The following ZNF622 variants were observed in gnomAD, a reference collection of about 807,000 sequenced individuals.
The protein encoded by ZNF622 is cytoplasmic 60S subunit biogenesis factor ZNF622.
ZNF622 carries 34 observed loss-of-function variants against 49.7 expected under a neutral mutation model. That is an observed-to-expected ratio of 0.68 (90% CI 0.52 to 0.91). The LOEUF (loss-of-function observed/expected upper bound fraction) is 0.91, where lower values mean the gene tolerates loss of function less well. Ranked by LOEUF, ZNF622 falls within the 40% of genes least tolerant of loss-of-function variation. The pLI, the probability that ZNF622 is intolerant of heterozygous loss-of-function variation, is 0.00. For synonymous variants in ZNF622, 209 were observed against 228.7 expected (o/e 0.91, Z 0.78); for missense variants, 569 against 616.4 (o/e 0.92, Z 0.81).
Position 16,465,183 on chromosome 5 carries a change from C to T in ZNF622, c.483G>A (p.Val161=). ...CGTGGGTCCCACGGCCACCAGTACCCACGGCCACGACATTCCTGGCCTCCT... is the reference window on the plus strand; with the variant it reads ...CGTGGGTCCCACGGCCACCAGTACCTACGGCCACGACATTCCTGGCCTCCT... ...PAKEARNVVA[V]GTGGRGTHDR... Residue 161 remains valine (V), a synonymous_variant, in exon 1 of 6, where the codon GTG becomes GTA. Coordinates refer to ENST00000308683, the MANE Select transcript of ZNF622 (RefSeq NM_033414.3). The surrounding 1 kb of genome is among the most constrained non-coding windows in gnomAD (Gnocchi z 6.2). The T allele has an allele frequency of 6.2e-7, 1 of 1,614,236 alleles. No individual in the cohort carries two copies. Among genetic ancestry groups the T allele is most frequent in the South Asian group, 1.1e-5 (1 of 91,088 alleles).
chr5:16,460,202 G>T (rs376257459), intron 3 of ZNF622, among the ~76,000 whole-genome samples: 1 of 152,228 alleles, frequency 6.6e-6, no homozygotes, highest in East Asian at 1.9e-4. Context: ...AGTACTAAAC[G>T]TTTAGGGAAT....
At position 16,465,560 on chromosome 5, in the gene ZNF622, C is replaced by T. The variant is rs1411199137; in HGVS notation, c.106G>A (p.Val36Met). 3.1e-6 allele frequency: 5 copies of T among 1,613,768 alleles called. No individual in the cohort carries two copies. The highest frequency in any genetic ancestry group is 4.2e-6 in the Non-Finnish European group (5 of 1,179,868). The part of the protein sequence containing the change: ...DWHRYNLRRK[V>M]ASMAPVTAEG... ...GCGGTCACTGGGGCCATGCTGGCCACCTTCCGCCGCAGGTTGTAGCGGTGC... is the reference window on the plus strand; with the variant it reads ...GCGGTCACTGGGGCCATGCTGGCCATCTTCCGCCGCAGGTTGTAGCGGTGC... The change falls in exon 1 of 6, where the codon GTG becomes ATG. Residue 36 changes from valine to methionine, a missense_variant. By Grantham distance (21) the Val-to-Met change is conservative (BLOSUM62 1). Coordinates refer to ENST00000308683, the MANE Select transcript of ZNF622 (RefSeq NM_033414.3). The surrounding 1 kb of genome is among the most constrained non-coding windows in gnomAD (Gnocchi z 6.2).
intron 5 of ZNF622, among the ~76,000 whole-genome samples, chr5:16,452,474 A>C (rs1051483683): frequency 2.0e-5 from 3 of 152,230 alleles, no homozygotes; most frequent in African/African-American, 7.2e-5. Context: ...GGGGACTGAT[A>C]GCTAACCTCG....
At chr5:16,454,173 C>CGA (rs1200498612) in intron 4 of ZNF622, among the ~76,000 whole-genome samples, 1 of 152,112 alleles carries the variant, frequency 6.6e-6, no homozygotes, top group East Asian at 1.9e-4. Flanking sequence ...AAAATAGACT[C>CGA]TGAATATTTC....
intron 1 of ZNF622, 127 bp downstream of exon 1, chr5:16,464,912 CCA>C: frequency 1.9e-5 from 25 of 1,321,162 alleles, no homozygotes; most frequent in Non-Finnish European, 2.5e-5. Context: ...AGCGTCTAAA[CCA>C]CCTTCCCTCA....
Position 16,465,210 on chromosome 5 carries a change from T to C in ZNF622, c.456A>G (p.Ala152=). 1.2e-6 allele frequency: 2 copies of C among 1,614,190 alleles called. No individual in the cohort carries two copies. Among genetic ancestry groups the C allele is most frequent in the South Asian group, 1.1e-5 (1 of 91,088 alleles). ...MSPKKAPPAP[A]KEARNVVAVG... ...CGGCCACGACATTCCTGGCCTCCTT[T>C]GCAGGCGCTGGGGGCGCCTTCTTGG... Residue 152 remains alanine (A), a synonymous_variant, in exon 1 of 6, where the codon GCA becomes GCG. Transcript: ENST00000308683. The surrounding 1 kb of genome is among the most constrained non-coding windows in gnomAD (Gnocchi z 6.2).
In ZNF622 at chr5:16,465,381, C is replaced by T. The variant is rs1292157315; in HGVS notation, c.285G>A (p.Glu95=). 6.2e-7 allele frequency: 1 copy of T among 1,614,298 alleles called. No homozygotes were observed. The highest frequency in any genetic ancestry group is 1.1e-5 in the South Asian group (1 of 91,090). The change falls in exon 1 of 6, where the codon GAG becomes GAA. Residue 95 remains glutamate, a synonymous_variant. Transcript: ENST00000308683. This position sits in a 1 kb window ranked among gnomAD's most constrained non-coding sequence, Gnocchi z 6.2. The part of the protein sequence containing the change: ...HLKSRRHVEL[E]KKAVQAVNRK... ...GATTCACTGCCTGCACGGCCTTCTT[C>T]TCCAGCTCAACGTGACGCCGGGACT...
At chr5:16,455,570 A>G (rs1400713428) in intron 4 of ZNF622, among the ~76,000 whole-genome samples, 1 of 152,218 alleles carries the variant, frequency 6.6e-6, no homozygotes, top group African/African-American at 2.4e-5. Context: ...ACCACAGGAA[A>G]TAGGTGAGAT....
Position 16,463,857 on chromosome 5 carries a change from C to T in ZNF622, c.626-115G>A. On this transcript the variant is annotated intron_variant, in intron 1 of 5. Coordinates refer to ENST00000308683, the MANE Select transcript of ZNF622 (RefSeq NM_033414.3). This position sits in a 1 kb window ranked among gnomAD's most constrained non-coding sequence, Gnocchi z 4.2. ...ATTTGGAGAAACAGCCACACCCCAA[C>T]TCCCAAGGACAACTCCTCTTTCAAG... The T allele has an allele frequency of 2.8e-6, 3 of 1,081,190 alleles. No homozygotes were observed. Among genetic ancestry groups the T allele is most frequent in the Non-Finnish European group, 4.0e-6 (3 of 747,538 alleles). 67.0% of individuals were successfully genotyped at this position (1,081,190 alleles called of 1,614,324 possible). A position where few individuals can be genotyped will look rare whatever the true frequency, so the allele number is the denominator to read the frequency against.
Position 16,465,181 on chromosome 5 carries a change from C to G in ZNF622, c.485G>C (p.Gly162Ala), listed in dbSNP as rs756935690. ...AKEARNVVAVGTGGRGTHDRD... is the reference protein window; with the variant it reads ...AKEARNVVAVATGGRGTHDRD... Reference sequence around the variant, plus strand: ...GTCGTGGGTCCCACGGCCACCAGTACCCACGGCCACGACATTCCTGGCCTC... The same window carrying G: ...GTCGTGGGTCCCACGGCCACCAGTAGCCACGGCCACGACATTCCTGGCCTC... The change falls in exon 1 of 6, where the codon GGT becomes GCT. Residue 162 changes from glycine (G) to alanine (A), a missense_variant. Coordinates refer to ENST00000308683, the MANE Select transcript of ZNF622 (RefSeq NM_033414.3). The surrounding 1 kb of genome is among the most constrained non-coding windows in gnomAD (Gnocchi z 6.2). The G allele has an allele frequency of 3.1e-6, 5 of 1,614,180 alleles. No individual in the cohort carries two copies. In the Admixed American group the frequency reaches 8.3e-5, roughly 27 times the overall value.
Position 16,451,621 on chromosome 5 carries a change from T to C in ZNF622, c.*36A>G, listed in dbSNP as rs779980403. The C allele has an allele frequency of 3.1e-6, 5 of 1,605,424 alleles. No individual in the cohort carries two copies. Among genetic ancestry groups the C allele is most frequent in the African/African-American group, 1.3e-5 (1 of 74,734 alleles). The stretch of plus-strand genomic sequence containing the variant: ...CTGGTCCTCAGGGCAAGGAGGAAAC[T>C]TGGGCAGGAGATGATTGCTCAATCC... On this transcript the variant is annotated 3_prime_UTR_variant, in exon 6 of 6. Transcript: ENST00000308683.
chr5:16,464,487 A>G (rs27453), intron 1 of ZNF622, among the ~76,000 whole-genome samples: 13,384 of 152,238 alleles, frequency 0.088, 693 homozygotes, highest in East Asian at 0.23. Context: ...CTTATAGCAG[A>G]GTGGACAGAC....
chr5:16,454,636 G>A (rs146660174), intron 4 of ZNF622, among the ~76,000 whole-genome samples: 4 of 152,262 alleles, frequency 2.6e-5, no homozygotes, highest in Non-Finnish European at 5.9e-5. Flanking sequence ...AGGCACATCT[G>A]ATATATTAAT....
chr5:16,465,669 CA>C lies in ZNF622; in HGVS notation c.-5del. On this transcript the variant is annotated 5_prime_UTR_variant, in exon 1 of 6. Coordinates refer to ENST00000308683, the MANE Select transcript of ZNF622 (RefSeq NM_033414.3). This position sits in a 1 kb window ranked among gnomAD's most constrained non-coding sequence, Gnocchi z 6.2. ...TTATGCAGGTGTACGTCGCCATTGC[CA>C]GGCGAGAAATAAGAACCGACCAAGC... 4.5e-6 allele frequency: 7 copies of C among 1,558,342 alleles called. No individual in the cohort carries two copies. The South Asian group carries it at 8.5e-5, about 19-fold the overall frequency.
chr5:16,451,539 T>C lies in ZNF622; in HGVS notation c.*118A>G. 5 of 1,350,150 alleles carry C rather than the reference T, an allele frequency of 3.7e-6. No individual in the cohort carries two copies. The South Asian group carries it at 5.8e-5, about 16-fold the overall frequency. 83.6% of individuals were successfully genotyped at this position (1,350,150 alleles called of 1,614,324 possible). A position where few individuals can be genotyped will look rare whatever the true frequency, so the allele number is the denominator to read the frequency against. On this transcript the variant is annotated 3_prime_UTR_variant, in exon 6 of 6. Coordinates refer to ENST00000308683, the MANE Select transcript of ZNF622 (RefSeq NM_033414.3). ...ACTCATATGGTTCTAACTTTTATTA[T>C]TAGGTCAGAACGAATGAAGTAGCAG...
At chr5:16,455,060 A>G (rs969400452) in intron 4 of ZNF622, among the ~76,000 whole-genome samples, 1 of 152,236 alleles carries the variant, frequency 6.6e-6, no homozygotes, top group Non-Finnish European at 1.5e-5. Flanking sequence ...AAGTAATCAA[A>G]TATCTTCCCA....
intron 4 of ZNF622, among the ~76,000 whole-genome samples, chr5:16,455,079 T>C (rs112516766): frequency 4.7e-4 from 72 of 152,234 alleles, no homozygotes; most frequent in African/African-American, 1.7e-3. Flanking sequence ...CAGACAGACA[T>C]AACCATGCAG....
Position 16,465,488 on chromosome 5 carries a change from C to A in ZNF622, c.178G>T (p.Glu60Ter), listed in dbSNP as rs1738204504. The change falls in exon 1 of 6, where the codon GAG becomes TAG. Residue 60 changes from glutamate to a stop codon, truncating the protein, a stop_gained. Transcript: ENST00000308683. LOFTEE classifies it high-confidence loss of function. This position sits in a 1 kb window ranked among gnomAD's most constrained non-coding sequence, Gnocchi z 6.2. Reference sequence around the variant, plus strand: ...TAGGTGGCCGAGCCCTTGCTCTCCTCCTCCGCGACGGCCCGCTGCGCCCGC... The same window carrying A: ...TAGGTGGCCGAGCCCTTGCTCTCCTACTCCGCGACGGCCCGCTGCGCCCGC... ...RVRAQRAVAEEESKGSATYCT... is the reference protein window; with the variant it reads ...RVRAQRAVAE 4 of 1,614,114 alleles carry A rather than the reference C, an allele frequency of 2.5e-6. No homozygotes were observed. Among genetic ancestry groups the A allele is most frequent in the Non-Finnish European group, 1.7e-6 (2 of 1,180,040 alleles).
intron 4 of ZNF622, 79 bp downstream of exon 4, chr5:16,458,438 T>A (rs921047536): frequency 1.0e-6 from 1 of 992,542 alleles, no homozygotes; most frequent in African/African-American, 1.6e-5. Context: ...TCCCTCAGTA[T>A]GGAAAGTAAT....
Sources: gnomAD v4.1 joint callset for allele counts (sites outside exome capture counted in the v4.1 genomes callset) on GRCh38, gnomAD v4.1.1 for gene constraint, Gnocchi (gnomAD v3.1) non-coding constraint, MANE v1.5 for transcripts, NCBI Gene and HGNC (gene_info 2026-07-23, HGNC 2026-07-21) for gene names.